Variants in TMEM132A observed in about 807,000 individuals in gnomAD.
TMEM132A encodes transmembrane protein 132A.
In TMEM132A, 48 loss-of-function variants were observed where a neutral mutation model predicts 69.9. The ratio of observed to expected loss-of-function variants is 0.69; its 90% CI spans 0.55 to 0.87. The LOEUF is 0.87. Among genes scored for constraint, TMEM132A ranks in the 40% least tolerant of loss-of-function variants. The pLI, the probability that TMEM132A is intolerant of heterozygous loss-of-function variation, is 0.00. For missense variants in TMEM132A, 1,287 were observed against 1,407.2 expected (o/e 0.91, Z 1.37); for synonymous variants, 577 against 613.7 (o/e 0.94, Z 0.88).
chr11:60,927,902 C>T (rs1384920019), intron 3 of TMEM132A, 43 bp downstream of exon 3: 4 of 1,555,320 alleles, frequency 2.6e-6, no homozygotes, highest in East Asian at 2.3e-5. Flanking sequence ...GCTGCAGCTG[C>T]ATCAGCCAGG....
rs753559216 is a variant in TMEM132A at position 60,927,333 on chromosome 11, G to A, written c.230G>A (p.Arg77Gln). The change falls in exon 2 of 11, where the codon CGA (arginine) becomes CAA (glutamine). Residue 77 changes from arginine to glutamine, a missense_variant. By Grantham distance (43) the Arg-to-Gln change is conservative (BLOSUM62 1). Transcript: ENST00000453848. ...YPPANSSLSS[R>Q]SETFLLLQPW... ...CCTGCCAACTCCTCTCTGAGCTCCCGATCTGAGACCTTTCTGCTCCTACAG... is the reference window on the plus strand; with the variant it reads ...CCTGCCAACTCCTCTCTGAGCTCCCAATCTGAGACCTTTCTGCTCCTACAG... The A allele has an allele frequency of 8.1e-6, 13 of 1,613,390 alleles. No individual in the cohort carries two copies. The East Asian group carries it at 8.9e-5, about 11-fold the overall frequency.
intron 7 of TMEM132A, chr11:60,932,594 T>C (rs1856503245): frequency 6.5e-6 from 1 of 153,482 alleles, no homozygotes; most frequent in Non-Finnish European, 1.4e-5. Flanking sequence ...CAATGGCAGT[T>C]ATTGCTGTTA....
intron 7 of TMEM132A, 180 bp downstream of exon 7, chr11:60,932,307 C>A: frequency 1.4e-6 from 1 of 703,548 alleles, no homozygotes; most frequent in Non-Finnish European, 2.1e-6. Context: ...TCTCCCGAGT[C>A]AAGTAACCCT....
Position 60,934,656 on chromosome 11 carries a change from C to A in TMEM132A, c.1728C>A (p.Asp576Glu), listed in dbSNP as rs778876123. 5 of 1,596,924 alleles carry A rather than the reference C, an allele frequency of 3.1e-6. No homozygotes were observed. Among genetic ancestry groups the A allele is most frequent in the Non-Finnish European group, 4.2e-6 (5 of 1,178,418 alleles). The change falls in exon 9 of 11, where the codon GAC (aspartate) becomes GAA (glutamate). Residue 576 changes from aspartate to glutamate, a missense_variant. Coordinates refer to ENST00000453848, the MANE Select transcript of TMEM132A (RefSeq NM_178031.3). The part of the protein sequence containing the change: ...THLLGPDWLL[D>E]VSHLVAPHAR... The stretch of plus-strand genomic sequence containing the variant: ...TGCTTGGCCCCGACTGGCTGCTAGA[C>A]GTGTCCCACCTCGTGGCGCCACACG...
Position 60,934,559 on chromosome 11 carries a change from A to G in TMEM132A, c.1631A>G (p.Gln544Arg). ...RRARGCHLQY[Q>R]RAGVRFLAPF... Reference sequence around the variant, plus strand: ...GCCCGTGGCTGCCACCTGCAGTACCAGCGGGCCGGTGTGCGCTTCCTCGCC... The same window carrying G: ...GCCCGTGGCTGCCACCTGCAGTACCGGCGGGCCGGTGTGCGCTTCCTCGCC... Residue 544 changes from glutamine (Q) to arginine (R), a missense_variant, in exon 9 of 11, where the codon CAG becomes CGG. Coordinates refer to ENST00000453848, the MANE Select transcript of TMEM132A (RefSeq NM_178031.3). 1 of 1,526,026 alleles carries G rather than the reference A, an allele frequency of 6.6e-7. No individual in the cohort carries two copies. Among genetic ancestry groups the G allele is most frequent in the East Asian group, 2.5e-5 (1 of 40,358 alleles). The allele number at this position is 1,526,026 out of a possible 1,614,324, so 94.5% of individuals were successfully genotyped here.
intron 4 of TMEM132A, 124 bp from the exon 5 acceptor site, chr11:60,930,386 T>C: frequency 5.9e-6 from 7 of 1,181,834 alleles, no homozygotes; most frequent in Non-Finnish European, 8.1e-6. Flanking sequence ...TGGAGGATGG[T>C]GAAGAGGAGA....
chr11:60,927,806 C>G lies in TMEM132A; in HGVS notation c.481C>G (p.Arg161Gly). 1 of 1,612,248 alleles carries G rather than the reference C, an allele frequency of 6.2e-7. No individual in the cohort carries two copies. The highest frequency in any genetic ancestry group is 8.5e-7 in the Non-Finnish European group (1 of 1,179,948). ...PPGSGSLPCA[R>G]LHATHPAGTA... ...AGGGTCTGGCAGCCTGCCCTGTGCC[C>G]GGCTCCATGCCACACACCCTGCCGG... The change falls in exon 3 of 11, where the codon CGG (arginine) becomes GGG (glycine). Residue 161 changes from arginine (R) to glycine (G), a missense_variant. By Grantham distance (125) the Arg-to-Gly change is moderately radical. Transcript: ENST00000453848.
At position 60,933,603 on chromosome 11, in the gene TMEM132A, T is replaced by G. The variant is rs1194577557; in HGVS notation, c.1418T>G (p.Val473Gly). The change falls in exon 8 of 11, where the codon GTG becomes GGG. Residue 473 changes from valine to glycine, a missense_variant. Physicochemically the swap from Val to Gly is moderately radical, Grantham distance 109 (BLOSUM62 -3). Transcript: ENST00000453848. The part of the protein sequence containing the change: ...AGKESRGARG[V>G]RVDFWWRRLR... ...AAGGAGAGCCGGGGCGCCCGGGGGG[T>G]GCGAGTGGACTTCTGGTGGCGCCGG... The G allele has an allele frequency of 2.4e-5, 38 of 1,605,752 alleles. No homozygotes were observed. The highest frequency in any genetic ancestry group is 3.1e-5 in the Non-Finnish European group (36 of 1,179,116).
chr11:60,933,901 A>G (rs1856535140), intron 8 of TMEM132A, 157 bp downstream of exon 8: 1 of 656,246 alleles, frequency 1.5e-6, no homozygotes, highest in African/African-American at 1.8e-5. Flanking sequence ...CGCCCAGCCA[A>G]TGATCGCTTT....
chr11:60,935,181 C>T lies in TMEM132A; in HGVS notation c.1837-71C>T. 6 of 1,445,526 alleles carry T rather than the reference C, an allele frequency of 4.2e-6. No individual in the cohort carries two copies. Among genetic ancestry groups the T allele is most frequent in the Non-Finnish European group, 4.7e-6 (5 of 1,061,182 alleles). 89.5% of individuals were successfully genotyped at this position (1,445,526 alleles called of 1,614,324 possible). A position where few individuals can be genotyped will look rare whatever the true frequency, so the allele number is the denominator to read the frequency against. Reference sequence around the variant, plus strand: ...GGGCAGCCCGTGAGGGTGCTGGGAGCACCCGGTTCCCTCTGGGTGGGGGCT... The same window carrying T: ...GGGCAGCCCGTGAGGGTGCTGGGAGTACCCGGTTCCCTCTGGGTGGGGGCT... On this transcript the variant is annotated intron_variant, in intron 9 of 10. Coordinates refer to ENST00000453848, the MANE Select transcript of TMEM132A (RefSeq NM_178031.3). The surrounding 1 kb of genome is among the most constrained non-coding windows in gnomAD (Gnocchi z 5.0).
chr11:60,935,833 A>G lies in TMEM132A; in HGVS notation c.2029-31A>G. ...TCTGTGCATGCGTGCGTGCCCTCGC[A>G]TGTCTCTGCCTGTGTCTGTGTGCCC... On this transcript the variant is annotated intron_variant, in intron 10 of 10. Coordinates refer to ENST00000453848, the MANE Select transcript of TMEM132A (RefSeq NM_178031.3). The surrounding 1 kb of genome is among the most constrained non-coding windows in gnomAD (Gnocchi z 5.0). 2.5e-6 allele frequency: 4 copies of G among 1,606,698 alleles called. No individual in the cohort carries two copies. The highest frequency in any genetic ancestry group is 3.4e-6 in the Non-Finnish European group (4 of 1,177,852).
intron 7 of TMEM132A, 46 bp downstream of exon 7, chr11:60,932,173 C>G (rs1318505553): frequency 6.7e-7 from 1 of 1,503,364 alleles, no homozygotes; most frequent in African/African-American, 1.4e-5. Flanking sequence ...TTTGTGTGGG[C>G]ACAGTTACGC....
At position 60,930,713 on chromosome 11, in the gene TMEM132A, T is replaced by C. The variant is rs145991911; in HGVS notation, c.1016+54T>C. ...AAAGGAGGGAGGGCTGGTTATAGAG[T>C]GCAGTTGAGCAGATTTGGAGGCTGC... On this transcript the variant is annotated intron_variant, in intron 5 of 10. Transcript: ENST00000453848. The C allele has an allele frequency of 1.6e-4, 238 of 1,530,836 alleles. 2 individuals carry two copies. In the East Asian group the frequency reaches 5.5e-3, roughly 35 times the overall value. The allele number at this position is 1,530,836 out of a possible 1,614,324, so 94.8% of individuals were successfully genotyped here.
At chr11:60,930,757 C>T in intron 5 of TMEM132A, 98 bp downstream of exon 5, 1 of 1,250,582 alleles carries the variant, frequency 8.0e-7, no homozygotes, top group Non-Finnish European at 1.1e-6. Context: ...CTCTAGATCC[C>T]CAGGTGAGCA....
rs1238018258 is a variant in TMEM132A, at chr11:60,935,815, A to G, written c.2029-49A>G. ...CTCTGTGGGAGTGGTTTCTCTGTGC[A>G]TGCGTGCGTGCCCTCGCATGTCTCT... On this transcript the variant is annotated intron_variant, in intron 10 of 10. Coordinates refer to ENST00000453848, the MANE Select transcript of TMEM132A (RefSeq NM_178031.3). The surrounding 1 kb of genome is among the most constrained non-coding windows in gnomAD (Gnocchi z 5.0). 6.3e-7 allele frequency: 1 copy of G among 1,592,866 alleles called. No homozygotes were observed. Among genetic ancestry groups the G allele is most frequent in the Non-Finnish European group, 8.5e-7 (1 of 1,171,226 alleles).
Position 60,935,970 on chromosome 11 carries a change from G to T in TMEM132A, c.2135G>T (p.Gly712Val). Residue 712 changes from glycine to valine, a missense_variant, in exon 11 of 11, where the codon GGT (glycine) becomes GTT (valine). Physicochemically the swap from Gly to Val is moderately radical, Grantham distance 109. Coordinates refer to ENST00000453848, the MANE Select transcript of TMEM132A (RefSeq NM_178031.3). The surrounding 1 kb of genome is among the most constrained non-coding windows in gnomAD (Gnocchi z 5.0). ...LGLSVSAEEPGAILPAEEQGA... is the reference protein window; with the variant it reads ...LGLSVSAEEPVAILPAEEQGA... ...CTGTCCGTCTCAGCCGAGGAGCCTG[G>T]TGCCATCCTGCCAGCTGAGGAGCAG... The T allele has an allele frequency of 2.5e-6, 4 of 1,611,278 alleles. No homozygotes were observed. Among genetic ancestry groups the T allele is most frequent in the Non-Finnish European group, 3.4e-6 (4 of 1,179,842 alleles).
At position 60,934,675 on chromosome 11, in the gene TMEM132A, C is replaced by G. The variant is rs1233140082; in HGVS notation, c.1747C>G (p.Pro583Ala). Residue 583 changes from proline to alanine, a missense_variant, in exon 9 of 11, where the codon CCA becomes GCA. By Grantham distance (27) the Pro-to-Ala change is conservative. Transcript: ENST00000453848. ...GCTAGACGTGTCCCACCTCGTGGCG[C>G]CACACGCCCGCGTGCTGGACTCGCG... ...WLLDVSHLVA[P>A]HARVLDSRVA... is the part of the protein sequence containing the mutation. 6.2e-7 allele frequency: 1 copy of G among 1,601,758 alleles called. No individual in the cohort carries two copies. Among genetic ancestry groups the G allele is most frequent in the Admixed American group, 1.7e-5 (1 of 59,850 alleles).
In TMEM132A at chr11:60,936,298, G is replaced by A; in HGVS notation, c.2463G>A (p.Glu821=). 1 of 1,613,870 alleles carries A rather than the reference G, an allele frequency of 6.2e-7. No individual in the cohort carries two copies. The highest frequency in any genetic ancestry group is 8.5e-7 in the Non-Finnish European group (1 of 1,179,798). ...FERAEEEARK[E]ETEAREEEEE... ...GGGCAGAGGAGGAGGCCAGGAAGGAGGAGACCGAAGCCAGGGAGGAGGAGG... is the reference window on the plus strand; with the variant it reads ...GGGCAGAGGAGGAGGCCAGGAAGGAAGAGACCGAAGCCAGGGAGGAGGAGG... Residue 821 remains glutamate (E), a synonymous_variant, in exon 11 of 11, where the codon GAG becomes GAA. Coordinates refer to ENST00000453848, the MANE Select transcript of TMEM132A (RefSeq NM_178031.3).
chr11:60,931,948 G>C (rs752686528), intron 6 of TMEM132A, 36 bp from the exon 7 acceptor site: 3 of 1,613,690 alleles, frequency 1.9e-6, no homozygotes, highest in Admixed American at 1.7e-5. Context: ...CCCATGAGCT[G>C]AGGGGCCTGG....
Sources: allele counts gnomAD v4.1 joint callset, GRCh38; gene constraint gnomAD v4.1.1; non-coding constraint Gnocchi (gnomAD v3.1); transcripts MANE v1.5; gene names NCBI Gene and HGNC (gene_info 2026-07-23, HGNC 2026-07-21).